Variants in SEMA6D observed in about 807,000 individuals in gnomAD.
The protein encoded by SEMA6D is semaphorin 6D, also known as semaphorin-6D.
In SEMA6D, 35 loss-of-function variants were observed where a neutral mutation model predicts 106.6. That is an observed-to-expected ratio of 0.33 (90% CI 0.25 to 0.44). The LOEUF (loss-of-function observed/expected upper bound fraction) is 0.44. Ranked by LOEUF, SEMA6D falls within the 20% of genes least tolerant of loss-of-function variation. The pLI is 1.00. For missense variants in SEMA6D, 1,185 were observed against 1,345.9 expected (o/e 0.88, Z 1.87); for synonymous variants, 499 against 487.7 (o/e 1.02, Z -0.31).
intron 3 of SEMA6D, among the ~76,000 whole-genome samples, chr15:47,595,631 T>G (rs2076521331): frequency 6.6e-6 from 1 of 152,154 alleles, no homozygotes; most frequent in Non-Finnish European, 1.5e-5. Context: ...TTCTTCTTTA[T>G]TTTTTAGGGA....
rs145872768 is a variant in SEMA6D at position 47,485,540 on chromosome 15, C to G, written c.-87+14995C>G. 6.2e-3 allele frequency among the ~76,000 whole-genome samples: 939 copies of G among 152,190 alleles called. 9 individuals carry two copies. Among genetic ancestry groups the G allele is most frequent in the African/African-American group, 0.022 (901 of 41,540 alleles). On this transcript the variant is annotated intron_variant, in intron 3 of 19. Transcript: ENST00000558014. ...TGAATATATACCAAAGAGAGTCATACAATACTTAAGCCAAAGACAGTTATG... is the reference window on the plus strand; with the variant it reads ...TGAATATATACCAAAGAGAGTCATAGAATACTTAAGCCAAAGACAGTTATG...
chr15:47,211,425 T>C (rs1032430421), intron 1 of SEMA6D, among the ~76,000 whole-genome samples: 1 of 152,220 alleles, frequency 6.6e-6, no homozygotes, highest in African/African-American at 2.4e-5. Context: ...TATATTTTCC[T>C]GGTCTTGTTT....
At chr15:47,226,850 C>T (rs1319189692) in intron 1 of SEMA6D, among the ~76,000 whole-genome samples, 1 of 152,112 alleles carries the variant, frequency 6.6e-6, no homozygotes, top group Non-Finnish European at 1.5e-5. Flanking sequence ...CATCTCATTC[C>T]ACATCTCTGC....
intron 1 of SEMA6D, among the ~76,000 whole-genome samples, chr15:47,369,188 G>A (rs1595847048): frequency 6.6e-6 from 1 of 152,192 alleles, no homozygotes; most frequent in Admixed American, 6.5e-5. Flanking sequence ...TAGAACTGGT[G>A]ACATGGGACT....
chr15:47,486,070 C>A (rs7163346), intron 3 of SEMA6D, among the ~76,000 whole-genome samples: 58,640 of 152,022 alleles, frequency 0.39, 12,473 homozygotes, highest in African/African-American at 0.58. Context: ...AGTCTGCTAA[C>A]GTCCATAGTC....
intron 4 of SEMA6D, among the ~76,000 whole-genome samples, chr15:47,639,530 C>T (rs1295993725): frequency 6.6e-6 from 1 of 152,116 alleles, no homozygotes; most frequent in Non-Finnish European, 1.5e-5. Flanking sequence ...CAAGTGTGGG[C>T]TGCACATACA....
chr15:47,388,516 C>T (rs1284476357), intron 1 of SEMA6D, among the ~76,000 whole-genome samples: 1 of 152,186 alleles, frequency 6.6e-6, no homozygotes, highest in Non-Finnish European at 1.5e-5. Flanking sequence ...TCAGTGTATT[C>T]ACGCTGCAGG....
At chr15:47,404,986 C>T (rs1311845662) in intron 1 of SEMA6D, among the ~76,000 whole-genome samples, 1 of 151,994 alleles carries the variant, frequency 6.6e-6, no homozygotes, top group African/African-American at 2.4e-5. Flanking sequence ...TTCACCTCAC[C>T]GCCGGTCAAG....
chr15:47,681,358 T>C (rs1442635110), intron 4 of SEMA6D, among the ~76,000 whole-genome samples: 1 of 152,154 alleles, frequency 6.6e-6, no homozygotes, highest in East Asian at 1.9e-4. Flanking sequence ...GAAGGACAAA[T>C]ACTGTATGAT....
Position 47,762,924 on chromosome 15 carries a change from G to A in SEMA6D, c.659-92G>A, listed in dbSNP as rs1250928078. The A allele has an allele frequency of 1.1e-5, 10 of 917,382 alleles. No homozygotes were observed. The South Asian group carries it at 1.5e-4, about 14-fold the overall frequency. 56.8% of individuals were successfully genotyped at this position (917,382 alleles called of 1,614,324 possible). On this transcript the variant is annotated intron_variant, in intron 8 of 18. Transcript: ENST00000536845. ...AGTTCTTGTTGGCTTGAATGTAATT[G>A]TGCAACATCTGTCAGTCATGCTTTG...
chr15:47,672,061 C>T (rs558216721), intron 4 of SEMA6D, among the ~76,000 whole-genome samples: 1 of 152,268 alleles, frequency 6.6e-6, no homozygotes, highest in African/African-American at 2.4e-5. Context: ...GCTAACATCC[C>T]TCTATGATAT....
Position 47,771,983 on chromosome 15 carries a change from A to G in SEMA6D, c.*198A>G, listed in dbSNP as rs890858237. 4.8e-5 allele frequency: 28 copies of G among 586,218 alleles called. No individual in the cohort carries two copies. In the African/African-American group the frequency reaches 4.8e-4, roughly 10 times the overall value. 36.3% of individuals were successfully genotyped at this position (586,218 alleles called of 1,614,324 possible). A position where few individuals can be genotyped will look rare whatever the true frequency, so the allele number is the denominator to read the frequency against. ...GCAAGGCTTCTGTGTACTTGCCTGA[A>G]AACAAAGGAAGGTGCTGGTCATTCC... On this transcript the variant is annotated 3_prime_UTR_variant, in exon 19 of 19. Coordinates refer to ENST00000536845, the MANE Select transcript of SEMA6D (RefSeq NM_001358351.3).
At chr15:47,763,367 C>T (rs2082165054) in intron 9 of SEMA6D, among the ~76,000 whole-genome samples, 1 of 152,038 alleles carries the variant, frequency 6.6e-6, no homozygotes, top group East Asian at 1.9e-4. Context: ...TCTACAGGTA[C>T]CCTTGAGCTA....
intron 1 of SEMA6D, among the ~76,000 whole-genome samples, chr15:47,294,436 C>G (rs1595665068): frequency 6.6e-6 from 1 of 152,124 alleles, no homozygotes. Flanking sequence ...GTTGGCCAGG[C>G]TGATCTCAAA....
intron 1 of SEMA6D, among the ~76,000 whole-genome samples, chr15:47,234,819 G>T (rs1468455220): frequency 6.6e-6 from 1 of 152,048 alleles, no homozygotes; most frequent in Non-Finnish European, 1.5e-5. Flanking sequence ...TCATGTGCAG[G>T]TGCATTTTTG....
chr15:47,212,429 G>A (rs776507677), intron 1 of SEMA6D, among the ~76,000 whole-genome samples: 5 of 152,114 alleles, frequency 3.3e-5, no homozygotes, highest in Admixed American at 6.6e-5. Flanking sequence ...TGACGGTGAC[G>A]TTCTCACCTG....
At chr15:47,387,925 A>G (rs1371126919) in intron 1 of SEMA6D, among the ~76,000 whole-genome samples, 3 of 152,234 alleles carry the variant, frequency 2.0e-5, no homozygotes, top group Non-Finnish European at 4.4e-5. Context: ...ATAAAGTACT[A>G]AGAATAGTGC....
In SEMA6D at chr15:47,426,782, A is replaced by G. The variant is rs949190740; in HGVS notation, c.-159+14310A>G. On this transcript the variant is annotated intron_variant, in intron 2 of 19. Coordinates refer to the SEMA6D transcript ENST00000558014. ...CAATGCTAGAAAGGACTAGTTTTGAATATGTTTTATAATATCCTAAGGGCT... is the reference window on the plus strand; with the variant it reads ...CAATGCTAGAAAGGACTAGTTTTGAGTATGTTTTATAATATCCTAAGGGCT... Among the ~76,000 whole-genome samples, 12 of 152,138 alleles carry G rather than the reference A, an allele frequency of 7.9e-5. 1 individual carries two copies. The highest frequency in any genetic ancestry group is 5.2e-4 in the Admixed American group (8 of 15,264).
At chr15:47,358,867 G>A (rs977013514) in intron 1 of SEMA6D, among the ~76,000 whole-genome samples, 4 of 152,136 alleles carry the variant, frequency 2.6e-5, no homozygotes, top group Non-Finnish European at 5.9e-5. Context: ...CATGAATTCT[G>A]GGTGTCCATC....
Sources: allele counts gnomAD v4.1 joint callset (sites outside exome capture counted in the v4.1 genomes callset), GRCh38; gene constraint gnomAD v4.1.1; transcripts MANE v1.5; gene names NCBI Gene and HGNC (gene_info 2026-07-23, HGNC 2026-07-21).